Variants in FRMPD4 observed in about 807,000 individuals in gnomAD.
The protein encoded by FRMPD4 is FERM and PDZ domain-containing protein 4.
A neutral mutation model predicts 94.1 loss-of-function variants in FRMPD4; 22 were observed. That is an observed-to-expected ratio of 0.23 (90% CI 0.17 to 0.33). The LOEUF (loss-of-function observed/expected upper bound fraction) is 0.33, where lower values mean the gene tolerates loss of function less well. Ranked by LOEUF, FRMPD4 falls within the 10% of genes least tolerant of loss-of-function variation. The pLI is 1.00. For synonymous variants in FRMPD4, 631 were observed against 548.6 expected, an observed-to-expected ratio of 1.15 and a Z score of -2.10; for missense variants, 1,111 against 1,339.9, an observed-to-expected ratio of 0.83 and a Z score of 2.67.
intron 3 of FRMPD4, among the ~76,000 whole-genome samples, chrX:11,920,960 C>T (rs184620513): frequency 5.1e-3 from 577 of 112,222 alleles, no homozygotes; most frequent in South Asian, 0.018. Context: ...CAGGGTAATG[C>T]TCGCCAACTG....
chrX:12,554,866 T>G (rs775397051), intron 2 of FRMPD4, among the ~76,000 whole-genome samples: 50 of 111,566 alleles, frequency 4.5e-4, no homozygotes, highest in Non-Finnish European at 7.5e-4. Context: ...CCACCAATCT[T>G]GATTGCCGAA....
At chrX:11,850,652 A>G (rs907057063) in intron 1 of FRMPD4, among the ~76,000 whole-genome samples, 1 of 112,370 alleles carries the variant, frequency 8.9e-6, no homozygotes. Context: ...ACATGATACA[A>G]CATGGATAAA....
At chrX:12,423,262 A>T (rs867472634) in intron 1 of FRMPD4, among the ~76,000 whole-genome samples, 33 of 98,974 alleles carry the variant, frequency 3.3e-4, no homozygotes, top group African/African-American at 1.0e-3. Context: ...AATAAATAAA[A>T]AATAAAAAAC....
chrX:12,410,986 C>T (rs2056726081), intron 1 of FRMPD4, among the ~76,000 whole-genome samples: 1 of 111,908 alleles, frequency 8.9e-6, no homozygotes, highest in South Asian at 3.7e-4. Flanking sequence ...AAAACTTCAT[C>T]GCATTCAGAA....
At chrX:12,450,863 CAAAAA>C (rs5901475) in intron 1 of FRMPD4, among the ~76,000 whole-genome samples, 18 of 49,540 alleles carry the variant, frequency 3.6e-4, no homozygotes, top group African/African-American at 8.6e-4. Flanking sequence ...TCTATTTATC[CAAAAA>C]AAAAAAAAAA....
intron 3 of FRMPD4, among the ~76,000 whole-genome samples, chrX:12,087,546 C>T (rs1407026485): frequency 1.8e-5 from 2 of 111,628 alleles, no homozygotes; most frequent in Non-Finnish European, 3.8e-5. Flanking sequence ...TTTTAGCTTC[C>T]CCTCTTTCTG....
At chrX:12,319,104 A>T (rs1017789604) in intron 1 of FRMPD4, among the ~76,000 whole-genome samples, 3 of 111,453 alleles carry the variant, frequency 2.7e-5, no homozygotes, top group African/African-American at 9.8e-5. Flanking sequence ...CCCTTCATTG[A>T]CACATTGTCT....
At chrX:12,681,330 T>C (rs191503405) in intron 5 of FRMPD4, among the ~76,000 whole-genome samples, 12 of 112,563 alleles carry the variant, frequency 1.1e-4, no homozygotes, top group African/African-American at 3.9e-4. Context: ...GCAAATGCGC[T>C]CACCGCTGTA....
chrX:12,598,663 G>A (rs769101777), intron 2 of FRMPD4, among the ~76,000 whole-genome samples: 1 of 111,840 alleles, frequency 8.9e-6, no homozygotes, highest in East Asian at 2.8e-4. Context: ...GAAAAGATGT[G>A]TAAAGTTGGA....
intron 3 of FRMPD4, among the ~76,000 whole-genome samples, chrX:12,011,341 A>G (rs2054579768): frequency 8.9e-6 from 1 of 111,884 alleles, no homozygotes; most frequent in Non-Finnish European, 1.9e-5. Flanking sequence ...CAGAGCAGGA[A>G]CTAACTTTCT....
upstream of FRMPD4, among the ~76,000 whole-genome samples, chrX:12,133,852 T>A (rs1207116323): frequency 1.8e-5 from 2 of 111,808 alleles, no homozygotes; most frequent in African/African-American, 6.5e-5. Context: ...TAAGTCAGAT[T>A]TGGCCACTTC....
intron 1 of FRMPD4, among the ~76,000 whole-genome samples, chrX:12,273,999 G>A (rs756086367): frequency 1.8e-5 from 2 of 111,971 alleles, no homozygotes; most frequent in African/African-American, 3.2e-5. Flanking sequence ...TTTCACTCAT[G>A]TAGTCATTCA....
At chrX:11,842,891 T>C (rs2053546869) in intron 1 of FRMPD4, among the ~76,000 whole-genome samples, 1 of 109,518 alleles carries the variant, frequency 9.1e-6, no homozygotes, top group Non-Finnish European at 1.9e-5. Context: ...GGGTTTGTCA[T>C]AGATAGCTCT....
chrX:12,412,962 T>C (rs1281880650), intron 1 of FRMPD4, among the ~76,000 whole-genome samples: 3 of 109,108 alleles, frequency 2.7e-5, no homozygotes, highest in African/African-American at 1.0e-4. Flanking sequence ...AAAATAATAA[T>C]ACTGATAGTC....
At chrX:12,713,463 A>G (rs1247668372) in intron 14 of FRMPD4, among the ~76,000 whole-genome samples, 1 of 98,869 alleles carries the variant, frequency 1.0e-5, no homozygotes, top group Non-Finnish European at 2.0e-5. Flanking sequence ...TCTCAAAGAT[A>G]CAGGGCGGGA....
Position 12,691,530 on chromosome X carries a change from A to G in FRMPD4, c.813+1204A>G, listed in dbSNP as rs1254963944. On this transcript the variant is annotated intron_variant, in intron 8 of 16. Transcript: ENST00000675598. ...TTAACCTGTGCCAAACACTCTTGGA[A>G]ATAAAGGACTTATTTTATGCTTCAT... Among the ~76,000 whole-genome samples the G allele has an allele frequency of 3.4e-4, 38 of 111,434 alleles. 1 individual carries two copies.
chrX:12,108,318 A>C (rs1310272853), intron 3 of FRMPD4, among the ~76,000 whole-genome samples: 2 of 111,662 alleles, frequency 1.8e-5, no homozygotes, highest in Non-Finnish European at 3.8e-5. Context: ...ATATCCAGCC[A>C]AACTAAGCTT....
At chrX:12,137,676 G>A (rs1335174026), upstream of FRMPD4, among the ~76,000 whole-genome samples, 2 of 112,378 alleles carry the variant, frequency 1.8e-5, no homozygotes, top group Admixed American at 1.9e-4. Flanking sequence ...CTGAGTTAAT[G>A]AACAGGGCTG....
At chrX:12,682,375 G>C (rs2059981508) in intron 5 of FRMPD4, among the ~76,000 whole-genome samples, 1 of 111,991 alleles carries the variant, frequency 8.9e-6, no homozygotes, top group African/African-American at 3.2e-5. Context: ...GTTGTTTCTA[G>C]AGTCAATTAC....
Sources: gnomAD v4.1 joint callset for allele counts (sites outside exome capture counted in the v4.1 genomes callset) on GRCh38, gnomAD v4.1.1 for gene constraint, MANE v1.5 for transcripts, NCBI Gene and HGNC (gene_info 2026-07-23, HGNC 2026-07-21) for gene names.